Variants in LY75 observed in about 807,000 individuals in gnomAD.
LY75 encodes C-type lectin domain family 13 member B.
Under a neutral mutation model 231.7 loss-of-function variants are expected in LY75, and 185 were observed. The ratio of observed to expected loss-of-function variants is 0.80; its 90% CI spans 0.71 to 0.90. The LOEUF (loss-of-function observed/expected upper bound fraction) is 0.90. LY75 is among the 40% of genes least tolerant of loss of function. The probability of loss-of-function intolerance (pLI) is 0.00; values close to 1 mark genes in which losing one functional copy is unlikely to be tolerated. For missense variants in LY75, 1,947 were observed against 2,050.2 expected, an observed-to-expected ratio of 0.95 and a Z score of 0.97; for synonymous variants, 668 against 689.0, an observed-to-expected ratio of 0.97 and a Z score of 0.48.
chr2:159,828,051 C>A (rs958534530), intron 28 of LY75, among the ~76,000 whole-genome samples: 2 of 151,070 alleles, frequency 1.3e-5, no homozygotes, highest in East Asian at 2.0e-4. Context: ...CATGTGTATA[C>A]CTATGTAACA....
At position 159,885,208 on chromosome 2, in the gene LY75, T is replaced by C; in HGVS notation, c.999A>G (p.Glu333=). 6.2e-7 allele frequency: 1 copy of C among 1,613,684 alleles called. No homozygotes were observed. Residue 333 remains glutamate (E), a synonymous_variant, in exon 6 of 35, where the codon GAA becomes GAG. Coordinates refer to ENST00000263636, the MANE Select transcript of LY75 (RefSeq NM_002349.4). Reference sequence around the variant, plus strand: ...TCCTGCAGACATAGGGCAGTTGAGCTTCACAGGAAAAGCTCTGCCACAGAC... The same window carrying C: ...TCCTGCAGACATAGGGCAGTTGAGCCTCACAGGAAAAGCTCTGCCACAGAC... ...ESGLWQSFSC[E]AQLPYVCRKP...
intron 14 of LY75, among the ~76,000 whole-genome samples, chr2:159,862,582 TTG>T: frequency 6.6e-6 from 1 of 152,312 alleles, no homozygotes; most frequent in South Asian, 2.1e-4. Flanking sequence ...GACTTGTAAC[TTG>T]TCTTTTCCTT....
chr2:159,859,356 TG>T (rs1684631296), intron 15 of LY75, among the ~76,000 whole-genome samples: 1 of 152,232 alleles, frequency 6.6e-6, no homozygotes, highest in Non-Finnish European at 1.5e-5. Context: ...GTAACATTTC[TG>T]GTCAGCCACC....
chr2:159,870,857 A>T (rs947625255), intron 13 of LY75, among the ~76,000 whole-genome samples: 1 of 152,080 alleles, frequency 6.6e-6, no homozygotes, highest in African/African-American at 2.4e-5. Flanking sequence ...CTTCCTAGAG[A>T]TATAATAGCC....
Position 159,878,626 on chromosome 2 carries a change from G to A in LY75, c.1604+7C>T, listed in dbSNP as rs984685683. The A allele has an allele frequency of 6.2e-7, 1 of 1,613,874 alleles. No homozygotes were observed. The highest frequency in any genetic ancestry group is 2.2e-5 in the East Asian group (1 of 44,870). ...GTTTATGAGTACAAGTTTACTGATG[G>A]TCACACCTGCTAGTGATAGTCAGAT... On this transcript the variant is annotated splice_region_variant and intron_variant, in intron 10 of 34. Transcript: ENST00000263636.
At chr2:159,848,085 T>C (rs1490064697) in intron 23 of LY75, among the ~76,000 whole-genome samples, 9 of 33,968 alleles carry the variant, frequency 2.6e-4, no homozygotes, top group African/African-American at 9.1e-4. Context: ...TATATATATA[T>C]ATATATATAC....
chr2:159,886,308 C>A, intron 5 of LY75, 112 bp downstream of exon 5: 1 of 1,179,402 alleles, frequency 8.5e-7, no homozygotes. Flanking sequence ...TGAGAGGTAA[C>A]CATAGTAAGA....
chr2:159,823,734 G>A (rs537854925), intron 28 of LY75, among the ~76,000 whole-genome samples: 1 of 152,320 alleles, frequency 6.6e-6, no homozygotes, highest in Non-Finnish European at 1.5e-5. Context: ...AAGCCCATCA[G>A]ACTAATAGTA....
At chr2:159,867,584 A>T (rs1234226228) in intron 13 of LY75, among the ~76,000 whole-genome samples, 3 of 152,228 alleles carry the variant, frequency 2.0e-5, no homozygotes, top group Non-Finnish European at 4.4e-5. Context: ...TAATTGTGTT[A>T]AAATTCCTAT....
At position 159,838,944 on chromosome 2, in the gene LY75, C is replaced by T. The variant is rs531733255; in HGVS notation, c.3507+1785G>A. Among the ~76,000 whole-genome samples, 821 of 152,116 alleles carry T rather than the reference C, an allele frequency of 5.4e-3. 12 individuals are homozygous for T. Among genetic ancestry groups the T allele is most frequent in the African/African-American group, 0.019 (790 of 41,510 alleles). ...CTGAGTAGCTGGGGTTACAGACGCC[C>T]GCCATGATACCCAGCTAATTTTTGT... is the stretch of plus-strand genomic sequence containing the variant. On this transcript the variant is annotated intron_variant, in intron 25 of 34. Coordinates refer to ENST00000263636, the MANE Select transcript of LY75 (RefSeq NM_002349.4).
At chr2:159,846,260 C>T (rs1391316102) in intron 23 of LY75, among the ~76,000 whole-genome samples, 1 of 151,738 alleles carries the variant, frequency 6.6e-6, no homozygotes. Flanking sequence ...TGTGGTGACT[C>T]CTGCTTGTAA....
chr2:159,852,131 A>G, intron 21 of LY75, 70 bp downstream of exon 21: 1 of 1,562,264 alleles, frequency 6.4e-7, no homozygotes, highest in Non-Finnish European at 8.7e-7. Flanking sequence ...ATGGGTTGCC[A>G]TTCTGCCATA....
At chr2:159,902,478 A>G (rs957102809) in intron 1 of LY75, 1 of 152,176 alleles carries the variant, frequency 6.6e-6, no homozygotes, top group Non-Finnish European at 1.5e-5. Flanking sequence ...TGGTCCCTAG[A>G]CCAAAGAGCT....
rs934600857 is a variant in LY75, at chr2:159,853,723, C to T, written c.2596-26G>A. ...CTGAAAAACAAGCCAAACATCCATC[C>T]TTATATGTGCTGAGCTTTCTTGAGG... is the stretch of plus-strand genomic sequence containing the variant. On this transcript the variant is annotated intron_variant, in intron 18 of 34. Transcript: ENST00000263636. 9 of 1,612,620 alleles carry T rather than the reference C, an allele frequency of 5.6e-6. No individual in the cohort carries two copies. In the African/African-American group the frequency reaches 6.7e-5, roughly 12 times the overall value.
Position 159,816,107 on chromosome 2 carries a change from T to A in LY75, c.4381-534A>T, listed in dbSNP as rs996861046. Among the ~76,000 whole-genome samples the A allele has an allele frequency of 5.3e-5, 8 of 151,682 alleles. No individual in the cohort carries two copies. The South Asian group carries it at 8.3e-4, about 16-fold the overall frequency. ...TTATAATCTTAACTTGCCATGCTTT[T>A]AAAAAAAAATCTTCCCCACTCTGTT... is the stretch of plus-strand genomic sequence containing the variant. On this transcript the variant is annotated intron_variant, in intron 30 of 34. Transcript: ENST00000263636.
Position 159,850,042 on chromosome 2 carries a change from C to G in LY75, c.3088G>C (p.Glu1030Gln), listed in dbSNP as rs1684335447. ...EKINKWTDNR[E>Q]LTYSNFHPLL... ...GGGTGAAAGTTACTGTACGTCAGCTCTCTGTTATCTGTCCATTTGTTTATC... is the reference window on the plus strand; with the variant it reads ...GGGTGAAAGTTACTGTACGTCAGCTGTCTGTTATCTGTCCATTTGTTTATC... The change falls in exon 23 of 35, where the codon GAG becomes CAG. Residue 1030 changes from glutamate to glutamine, a missense_variant. Transcript: ENST00000263636. 2 of 1,614,000 alleles carry G rather than the reference C, an allele frequency of 1.2e-6. No homozygotes were observed. The highest frequency in any genetic ancestry group is 4.5e-5 in the East Asian group (2 of 44,856).
intron 18 of LY75, 114 bp downstream of exon 18, chr2:159,854,246 T>C (rs1684482450): frequency 2.5e-6 from 2 of 810,104 alleles, no homozygotes; most frequent in Non-Finnish European, 3.3e-6. Context: ...GAGGCAGATT[T>C]TACATTAAAG....
chr2:159,859,181 A>T (rs73000723), intron 15 of LY75, among the ~76,000 whole-genome samples: 5,235 of 152,274 alleles, frequency 0.034, 254 homozygotes, highest in East Asian at 0.16. Context: ...TGTTCTCAAC[A>T]CTACTAAAAA....
At chr2:159,823,692 C>A (rs961858087) in intron 28 of LY75, among the ~76,000 whole-genome samples, 1 of 152,104 alleles carries the variant, frequency 6.6e-6, no homozygotes, top group Non-Finnish European at 1.5e-5. Flanking sequence ...TTAAGAACAG[C>A]CAGAGAGAAA....
Sources: gnomAD v4.1 joint callset for allele counts (sites outside exome capture counted in the v4.1 genomes callset) on GRCh38, gnomAD v4.1.1 for gene constraint, MANE v1.5 for transcripts, NCBI Gene and HGNC (gene_info 2026-07-23, HGNC 2026-07-21) for gene names.